NKAIN3: variants seen among roughly 807,000 people sequenced by gnomAD.
NKAIN3 encodes sodium/potassium transporting ATPase interacting 3.
A neutral mutation model predicts 30.2 loss-of-function variants in NKAIN3; 25 were observed. The observed-to-expected ratio is 0.83, with a 90% CI of 0.60 to 1.16. The LOEUF (loss-of-function observed/expected upper bound fraction) is 1.16. Ranked by LOEUF, NKAIN3 falls within the 50% of genes most tolerant of loss-of-function variation. The pLI, the probability that NKAIN3 is intolerant of heterozygous loss-of-function variation, is 0.00. For synonymous variants in NKAIN3, 91 were observed against 89.6 expected (o/e 1.02, Z -0.09); for missense variants, 225 against 254.1 (o/e 0.89, Z 0.78).
chr8:62,529,784 C>T (rs549858249), intron 1 of NKAIN3, among the ~76,000 whole-genome samples: 5 of 152,160 alleles, frequency 3.3e-5, no homozygotes, highest in African/African-American at 1.2e-4. Flanking sequence ...CTTTCTGGTA[C>T]TTTCAGAGCA....
At chr8:62,861,752 T>A (rs1351405263) in intron 4 of NKAIN3, among the ~76,000 whole-genome samples, 1 of 152,206 alleles carries the variant, frequency 6.6e-6, no homozygotes, top group Non-Finnish European at 1.5e-5. Context: ...AAGGGCTCCA[T>A]CTACCCATCT....
chr8:62,995,204 C>G (rs183864424), intron 5 of NKAIN3, among the ~76,000 whole-genome samples: 50 of 152,252 alleles, frequency 3.3e-4, no homozygotes, highest in African/African-American at 1.2e-3. Flanking sequence ...TTATGTATAT[C>G]TGAGAGCATT....
chr8:62,436,665 A>G (rs1406232886), intron 1 of NKAIN3, among the ~76,000 whole-genome samples: 1 of 152,170 alleles, frequency 6.6e-6, no homozygotes, highest in Non-Finnish European at 1.5e-5. Flanking sequence ...AGTTTTGCTC[A>G]CTTAATTAGG....
intron 1 of NKAIN3, among the ~76,000 whole-genome samples, chr8:62,577,944 A>G (rs1214513403): frequency 6.6e-6 from 1 of 152,000 alleles, no homozygotes; most frequent in African/African-American, 2.4e-5. Context: ...AATTCAGCTT[A>G]CTGGATAGAG....
At chr8:62,802,984 A>G (rs903373400) in intron 4 of NKAIN3, among the ~76,000 whole-genome samples, 16 of 152,176 alleles carry the variant, frequency 1.1e-4, no homozygotes, top group Admixed American at 1.0e-3. Flanking sequence ...GATAAAACAG[A>G]CTTTAAACCA....
chr8:62,276,075 TA>T (rs1397661173), intron 1 of NKAIN3, among the ~76,000 whole-genome samples: 7 of 152,238 alleles, frequency 4.6e-5, no homozygotes, highest in African/African-American at 7.2e-5. Flanking sequence ...TTTTTTCTTT[TA>T]TTTTTTTGAG....
chr8:62,609,407 A>G (rs1198378428), intron 3 of NKAIN3, among the ~76,000 whole-genome samples: 2 of 152,166 alleles, frequency 1.3e-5, no homozygotes, highest in Non-Finnish European at 2.9e-5. Flanking sequence ...CAATCTTTTC[A>G]GTGATTTTGT....
intron 1 of NKAIN3, among the ~76,000 whole-genome samples, chr8:62,322,128 A>G (rs1364432072): frequency 1.3e-5 from 2 of 152,194 alleles, no homozygotes; most frequent in African/African-American, 4.8e-5. Context: ...CCTCCGAGCC[A>G]GGCATAGGTT....
intron 1 of NKAIN3, among the ~76,000 whole-genome samples, chr8:62,555,892 A>G (rs1187939109): frequency 1.3e-5 from 2 of 152,216 alleles, no homozygotes; most frequent in Admixed American, 6.5e-5. Context: ...TGCTAGCATC[A>G]TGAGAATCAA....
At chr8:62,645,553 C>CTTTTAAA (rs1488506346) in intron 3 of NKAIN3, among the ~76,000 whole-genome samples, 2 of 152,124 alleles carry the variant, frequency 1.3e-5, no homozygotes, top group Non-Finnish European at 2.9e-5. Context: ...CAAACTACAA[C>CTTTTAAA]TTTTAAATCC....
At chr8:62,485,428 A>C (rs1329905218) in intron 1 of NKAIN3, among the ~76,000 whole-genome samples, 1 of 152,174 alleles carries the variant, frequency 6.6e-6, no homozygotes, top group Non-Finnish European at 1.5e-5. Context: ...TTAAAAAAAC[A>C]CCCATTTATT....
rs540738203 is a variant in NKAIN3, at chr8:62,665,518, C to A, written c.273+75724C>A. ...GCAAATTAAGACCACTTTCTCTTATCCTTTCCATTACTGTCACACTTCTGG... is the reference window on the plus strand; with the variant it reads ...GCAAATTAAGACCACTTTCTCTTATACTTTCCATTACTGTCACACTTCTGG... On this transcript the variant is annotated intron_variant, in intron 3 of 6. Coordinates refer to ENST00000623646, the MANE Select transcript of NKAIN3 (RefSeq NM_001304533.3). 3.3e-5 allele frequency among the ~76,000 whole-genome samples: 5 copies of A among 152,326 alleles called. No homozygotes were observed. The South Asian group carries it at 1.0e-3, about 32-fold the overall frequency.
intron 4 of NKAIN3, among the ~76,000 whole-genome samples, chr8:62,883,456 G>GTTTTTTTTTTTTTTTTTTTTTT (rs1563611107): frequency 1.2e-4 from 2 of 17,226 alleles, no homozygotes; most frequent in African/African-American, 1.4e-3. Flanking sequence ...GAGTTTTATG[G>GTTTTTTTTTTTTTTTTTTTTTT]GTTTTTTTTT....
chr8:62,696,656 A>C (rs2130456738), intron 3 of NKAIN3, among the ~76,000 whole-genome samples: 1 of 142,376 alleles, frequency 7.0e-6, no homozygotes, highest in East Asian at 2.1e-4. Flanking sequence ...CTTTGCTTTA[A>C]GTTCCCAATT....
At chr8:62,914,619 A>C (rs966286129) in intron 4 of NKAIN3, among the ~76,000 whole-genome samples, 30 of 152,322 alleles carry the variant, frequency 2.0e-4, no homozygotes, top group Middle Eastern at 3.4e-3. Context: ...CCCCAATATC[A>C]AAAGATGGCA....
Position 62,734,213 on chromosome 8 carries a change from G to A in NKAIN3, c.274-12719G>A, listed in dbSNP as rs372608605. Among the ~76,000 whole-genome samples the A allele has an allele frequency of 2.4e-4, 37 of 152,304 alleles. No homozygotes were observed. The East Asian group carries it at 7.1e-3, about 29-fold the overall frequency. On this transcript the variant is annotated intron_variant, in intron 3 of 6. Coordinates refer to ENST00000623646, the MANE Select transcript of NKAIN3 (RefSeq NM_001304533.3). ...TGGGAAGATCACCTGAGCCCAGGAG[G>A]TGAAGGTTGCAGTGAACCGAGACTG...
intron 3 of NKAIN3, among the ~76,000 whole-genome samples, chr8:62,592,998 G>A (rs1810705197): frequency 6.6e-6 from 1 of 151,878 alleles, no homozygotes; most frequent in Admixed American, 6.6e-5. Flanking sequence ...ATTAACATAG[G>A]GGGAGAGTTT....
intron 1 of NKAIN3, among the ~76,000 whole-genome samples, chr8:62,342,599 C>G (rs1386473409): frequency 1.3e-5 from 2 of 152,048 alleles, no homozygotes; most frequent in Non-Finnish European, 2.9e-5. Flanking sequence ...GCCTGAGACT[C>G]CTGCACAAAG....
chr8:62,308,599 T>C (rs186199096), intron 1 of NKAIN3, among the ~76,000 whole-genome samples: 1 of 150,480 alleles, frequency 6.6e-6, no homozygotes, highest in East Asian at 1.9e-4. Flanking sequence ...ACTAGAGTAG[T>C]TGCATTCTGC....
Sources: gnomAD v4.1 joint callset for allele counts (sites outside exome capture counted in the v4.1 genomes callset) on GRCh38, gnomAD v4.1.1 for gene constraint, MANE v1.5 for transcripts, NCBI Gene and HGNC (gene_info 2026-07-23, HGNC 2026-07-21) for gene names.